PDE4D: variants seen among roughly 807,000 people sequenced by gnomAD.
PDE4D encodes the protein phosphodiesterase 4D, also known as 3',5'-cyclic-AMP phosphodiesterase 4D.
A neutral mutation model predicts 87.4 loss-of-function variants in PDE4D; 24 were observed. The observed-to-expected ratio is 0.27, with a 90% confidence interval of 0.20 to 0.39. The LOEUF (loss-of-function observed/expected upper bound fraction) is 0.39, where lower values mean the gene tolerates loss of function less well. PDE4D is among the 10% of genes least tolerant of loss of function. The pLI is 1.00. For synonymous variants in PDE4D, 384 were observed against 383.2 expected (o/e 1.00, Z -0.02); for missense variants, 714 against 1,041.0 (o/e 0.69, Z 4.32).
chr5:59,448,564 A>G (rs897315090), intron 1 of PDE4D, among the ~76,000 whole-genome samples: 4 of 152,216 alleles, frequency 2.6e-5, no homozygotes, highest in Non-Finnish European at 4.4e-5. Context: ...TAAGTCTCAA[A>G]TGTGTTTTGT....
chr5:59,584,010 G>A (rs906705661), intron 1 of PDE4D, among the ~76,000 whole-genome samples: 5 of 152,158 alleles, frequency 3.3e-5, no homozygotes, highest in African/African-American at 1.2e-4. Flanking sequence ...CTTCTGATCG[G>A]TCCCTTCACG....
At chr5:59,194,862 G>T (rs1745105459) in intron 2 of PDE4D, among the ~76,000 whole-genome samples, 1 of 152,158 alleles carries the variant, frequency 6.6e-6, no homozygotes, top group Non-Finnish European at 1.5e-5. Context: ...TTCCCATGTT[G>T]ATGTTTAATT....
In PDE4D at chr5:60,116,822, G is replaced by T. The variant is rs57644111; in HGVS notation, c.42+68735C>A. On this transcript the variant is annotated intron_variant, in intron 2 of 16. Coordinates refer to the PDE4D transcript ENST00000502484. ...ATTATAATCAACTGAACACCAGTTTGCATCTATCATGTTAATAAGTATAGC... is the reference window on the plus strand; with the variant it reads ...ATTATAATCAACTGAACACCAGTTTTCATCTATCATGTTAATAAGTATAGC... Among the ~76,000 whole-genome samples the T allele has an allele frequency of 7.0e-3, 1,066 of 152,126 alleles. 22 individuals are homozygous for T. Among genetic ancestry groups the T allele is most frequent in the East Asian group, 0.045 (234 of 5,172 alleles).
At chr5:60,290,572 G>A (rs1360635771) in intron 1 of PDE4D, among the ~76,000 whole-genome samples, 1 of 152,194 alleles carries the variant, frequency 6.6e-6, no homozygotes, top group Non-Finnish European at 1.5e-5. Context: ...AGGAGGCCGA[G>A]GTGGGCAGAT....
chr5:60,043,546 G>A (rs1768777602), intron 2 of PDE4D, among the ~76,000 whole-genome samples: 1 of 152,118 alleles, frequency 6.6e-6, no homozygotes, highest in South Asian at 2.1e-4. Flanking sequence ...CAGCCAGAGA[G>A]AAAGCTCAGG....
At chr5:60,445,991 C>A (rs748703117) in intron 1 of PDE4D, among the ~76,000 whole-genome samples, 1 of 152,066 alleles carries the variant, frequency 6.6e-6, no homozygotes, top group African/African-American at 2.4e-5. Context: ...GGAAAATAAG[C>A]ATCTCAAAAG....
chr5:59,060,374 G>A (rs1762952578), intron 5 of PDE4D, among the ~76,000 whole-genome samples: 1 of 152,000 alleles, frequency 6.6e-6, no homozygotes, highest in Non-Finnish European at 1.5e-5. Flanking sequence ...TCTATTTACT[G>A]CTGAATAAAA....
chr5:59,066,985 G>A (rs926310984), intron 5 of PDE4D, among the ~76,000 whole-genome samples: 3 of 127,616 alleles, frequency 2.4e-5, no homozygotes, highest in Admixed American at 8.0e-5. Flanking sequence ...CACCCAGCTC[G>A]TGATTTATTT....
At chr5:60,054,202 T>C (rs1328541708) in intron 2 of PDE4D, among the ~76,000 whole-genome samples, 2 of 152,094 alleles carry the variant, frequency 1.3e-5, no homozygotes, top group African/African-American at 4.8e-5. Context: ...CCCAAAGAAA[T>C]ATAAATCATT....
chr5:59,995,110 G>A (rs182524195), intron 2 of PDE4D, among the ~76,000 whole-genome samples: 37 of 152,094 alleles, frequency 2.4e-4, no homozygotes, highest in Admixed American at 6.5e-4. Flanking sequence ...TTGTGACATC[G>A]ACAAAAAGAG....
At chr5:59,322,650 C>T (rs1397308865) in intron 1 of PDE4D, among the ~76,000 whole-genome samples, 1 of 152,116 alleles carries the variant, frequency 6.6e-6, no homozygotes, top group African/African-American at 2.4e-5. Flanking sequence ...TCCTCATGCT[C>T]TCCTCCCTCA....
intron 1 of PDE4D, among the ~76,000 whole-genome samples, chr5:59,798,445 T>A (rs1286930159): frequency 6.6e-6 from 1 of 152,164 alleles, no homozygotes; most frequent in Non-Finnish European, 1.5e-5. Context: ...TTTGTTCTGC[T>A]GAGCACTTGC....
At chr5:59,049,892 A>C (rs1580520217) in intron 5 of PDE4D, among the ~76,000 whole-genome samples, 1 of 152,144 alleles carries the variant, frequency 6.6e-6, no homozygotes, top group Non-Finnish European at 1.5e-5. Flanking sequence ...TAGCATTTAT[A>C]TCTCTCTCAC....
rs1393130826 is a variant in PDE4D, at chr5:59,748,454, T to C, written c.455+144714A>G. On this transcript the variant is annotated intron_variant, in intron 1 of 14. Coordinates refer to ENST00000340635, the MANE Select transcript of PDE4D (RefSeq NM_001104631.2). ...AAGAAAATGTGGCACATATACACCATGAAATACTATGCAGCCATAAAAAAG... is the reference window on the plus strand; with the variant it reads ...AAGAAAATGTGGCACATATACACCACGAAATACTATGCAGCCATAAAAAAG... 2.6e-5 allele frequency among the ~76,000 whole-genome samples: 4 copies of C among 152,190 alleles called. No individual in the cohort carries two copies. In the East Asian group the frequency reaches 5.8e-4, roughly 22 times the overall value.
At chr5:60,477,728 G>A (rs1294200220) in intron 1 of PDE4D, among the ~76,000 whole-genome samples, 1 of 152,130 alleles carries the variant, frequency 6.6e-6, no homozygotes, top group African/African-American at 2.4e-5. Context: ...CATGTGTGTT[G>A]CCAACTACCA....
At chr5:60,008,050 C>CTATAAGATATAAGATA (rs541392097) in intron 2 of PDE4D, among the ~76,000 whole-genome samples, 1 of 151,956 alleles carries the variant, frequency 6.6e-6, no homozygotes, top group African/African-American at 2.4e-5. Flanking sequence ...TCTCAAGTCA[C>CTATAAGATATAAGATA]TATAAGATAG....
At chr5:60,269,020 T>C (rs1053505830) in intron 1 of PDE4D, among the ~76,000 whole-genome samples, 1 of 152,206 alleles carries the variant, frequency 6.6e-6, no homozygotes, top group Non-Finnish European at 1.5e-5. Flanking sequence ...TAAATATTTC[T>C]TGGCCGGGCG....
At chr5:59,115,141 T>A (rs1486683269) in intron 5 of PDE4D, among the ~76,000 whole-genome samples, 8 of 152,072 alleles carry the variant, frequency 5.3e-5, no homozygotes, top group Non-Finnish European at 1.5e-5. Context: ...TTGGGGGTAG[T>A]CTTACTTTTA....
chr5:60,018,681 G>A (rs534920238), intron 2 of PDE4D, among the ~76,000 whole-genome samples: 1 of 152,136 alleles, frequency 6.6e-6, no homozygotes, highest in Non-Finnish European at 1.5e-5. Context: ...AAAAGCAGGG[G>A]TTGCAATCCT....
Sources: allele counts gnomAD v4.1 joint callset (sites outside exome capture counted in the v4.1 genomes callset), GRCh38; gene constraint gnomAD v4.1.1; transcripts MANE v1.5; gene names NCBI Gene and HGNC (gene_info 2026-07-23, HGNC 2026-07-21).